Variants in ZMYM2 observed in about 807,000 individuals in gnomAD.
The protein encoded by ZMYM2 is zinc finger MYM-type containing 2.
Under a neutral mutation model 162.8 loss-of-function variants are expected in ZMYM2, and 56 were observed. The ratio of observed to expected loss-of-function variants is 0.34; its 90% CI spans 0.28 to 0.43. The LOEUF is 0.43. Among genes scored for constraint, ZMYM2 ranks in the 20% least tolerant of loss-of-function variants. The pLI, the probability that ZMYM2 is intolerant of heterozygous loss-of-function variation, is 1.00. For synonymous variants in ZMYM2, 510 were observed against 541.6 expected (o/e 0.94, Z 0.81); for missense variants, 1,275 against 1,621.8 (o/e 0.79, Z 3.67).
At chr13:19,906,379 G>T in the ZMYM2 span, among the ~76,000 whole-genome samples, 39 of 139,636 alleles carry the variant, frequency 2.8e-4, no homozygotes, top group East Asian at 2.1e-4. Flanking sequence ...ATATATATGT[G>T]TATATATATG....
chr13:19,888,916 T>C, the ZMYM2 span, among the ~76,000 whole-genome samples: 1 of 151,990 alleles, frequency 6.6e-6, no homozygotes, highest in South Asian at 2.1e-4. Context: ...ATTTTGACTT[T>C]AAATTAGGTT....
intron 4 of ZMYM2, among the ~76,000 whole-genome samples, chr13:20,003,656 A>C (rs1391636354): frequency 6.8e-6 from 1 of 147,782 alleles, no homozygotes; most frequent in Non-Finnish European, 1.5e-5. Flanking sequence ...TTTTTTAGGC[A>C]GAGTCTCATT....
the ZMYM2 span, among the ~76,000 whole-genome samples, chr13:19,949,233 A>C: frequency 6.6e-6 from 1 of 152,000 alleles, no homozygotes; most frequent in African/African-American, 2.4e-5. Context: ...AACATGGTGA[A>C]ACCCCATCTC....
chr13:20,000,637 T>C (rs1950323130), intron 3 of ZMYM2, among the ~76,000 whole-genome samples: 1 of 152,218 alleles, frequency 6.6e-6, no homozygotes, highest in Non-Finnish European at 1.5e-5. Flanking sequence ...TAAACTAGTG[T>C]TGAGACCTTT....
chr13:19,990,350 T>G (rs1403402956), intron 2 of ZMYM2, among the ~76,000 whole-genome samples: 4 of 152,210 alleles, frequency 2.6e-5, no homozygotes, highest in Non-Finnish European at 5.9e-5. Context: ...GCTTCTTACT[T>G]TGATCTGCCA....
Position 20,086,070 on chromosome 13 carries a change from A to T in ZMYM2, c.*56A>T. Reference sequence around the variant, plus strand: ...AACAGCATTAGATAGTCATGCTGCTAGATCTTTATTATGGAAAACATTTCA... The same window carrying T: ...AACAGCATTAGATAGTCATGCTGCTTGATCTTTATTATGGAAAACATTTCA... On this transcript the variant is annotated 3_prime_UTR_variant, in exon 25 of 25. Coordinates refer to ENST00000610343, the MANE Select transcript of ZMYM2 (RefSeq NM_197968.4). The T allele has an allele frequency of 1.3e-6, 2 of 1,524,006 alleles. No homozygotes were observed. Among genetic ancestry groups the T allele is most frequent in the Non-Finnish European group, 1.8e-6 (2 of 1,118,066 alleles). The allele number at this position is 1,524,006 out of a possible 1,614,324, so 94.4% of individuals were successfully genotyped here.
In ZMYM2 at chr13:20,057,546, T is replaced by C. The variant is rs545385701; in HGVS notation, c.2494-1029T>C. ...CACAGTGTTGTTTACTCTATGTGAT[T>C]ACTGTACAATATGTGTGGAGTACTG... On this transcript the variant is annotated intron_variant, in intron 14 of 24. Coordinates refer to ENST00000610343, the MANE Select transcript of ZMYM2 (RefSeq NM_197968.4). 1.6e-4 allele frequency among the ~76,000 whole-genome samples: 25 copies of C among 152,344 alleles called. No homozygotes were observed. The South Asian group carries it at 2.9e-3, about 18-fold the overall frequency.
intron 1 of ZMYM2, among the ~76,000 whole-genome samples, chr13:19,959,375 G>A (rs1594001787): frequency 6.6e-6 from 1 of 152,124 alleles, no homozygotes; most frequent in Non-Finnish European, 1.5e-5. Flanking sequence ...CTGCTCCGCC[G>A]GGTCCCCTCC....
chr13:19,928,356 T>G, the ZMYM2 span, among the ~76,000 whole-genome samples: 1 of 152,154 alleles, frequency 6.6e-6, no homozygotes, highest in Non-Finnish European at 1.5e-5. Context: ...CTGTGTCAGG[T>G]AAGTGTGTCA....
intron 21 of ZMYM2, among the ~76,000 whole-genome samples, chr13:20,076,725 T>C (rs552607760): frequency 1.3e-5 from 2 of 150,852 alleles, no homozygotes; most frequent in East Asian, 3.9e-4. Context: ...GCTTGTTAAT[T>C]TAATTTGTAT....
chr13:19,870,456 TTCTC>T, the ZMYM2 span, among the ~76,000 whole-genome samples: 2 of 151,286 alleles, frequency 1.3e-5, no homozygotes, highest in East Asian at 3.9e-4. Flanking sequence ...TCATTTCTCT[TTCTC>T]TCTTCTTTCC....
chr13:19,994,045 A>T, intron 3 of ZMYM2, 126 bp downstream of exon 3: 1 of 1,148,022 alleles, frequency 8.7e-7, no homozygotes. Flanking sequence ...ATTATATTGA[A>T]TTTTATCTTA....
At chr13:20,008,366 A>G (rs1950911772) in intron 6 of ZMYM2, among the ~76,000 whole-genome samples, 1 of 152,180 alleles carries the variant, frequency 6.6e-6, no homozygotes, top group Non-Finnish European at 1.5e-5. Flanking sequence ...CCTGACCTCA[A>G]GTGATTTGCC....
chr13:19,918,523 G>A, the ZMYM2 span, among the ~76,000 whole-genome samples: 2 of 116,014 alleles, frequency 1.7e-5, no homozygotes, highest in African/African-American at 6.8e-5. Context: ...TTTTTGAGAC[G>A]GAGCTTTTGC....
chr13:20,053,668 A>C lies in ZMYM2; in HGVS notation c.2493+1357A>C, dbSNP rs570921328. Among the ~76,000 whole-genome samples, 64 of 152,226 alleles carry C rather than the reference A, an allele frequency of 4.2e-4. 2 individuals carry two copies. The highest frequency in any genetic ancestry group is 3.1e-3 in the Admixed American group (48 of 15,288). On this transcript the variant is annotated intron_variant, in intron 14 of 24. Transcript: ENST00000610343. ...ACTCCATCTCCATTAACAACAACAA[A>C]AAAAAGTTATTTAGGATGCTGATAT...
intron 2 of ZMYM2, among the ~76,000 whole-genome samples, chr13:19,986,371 C>G (rs984453605): frequency 7.0e-6 from 1 of 142,276 alleles, no homozygotes; most frequent in Non-Finnish European, 1.6e-5. Flanking sequence ...CAAACAAAAA[C>G]AAAAAAAAAA....
At chr13:19,925,764 G>A in the ZMYM2 span, among the ~76,000 whole-genome samples, 16 of 151,414 alleles carry the variant, frequency 1.1e-4, no homozygotes, top group African/African-American at 4.8e-5. Flanking sequence ...CCAGTTACTC[G>A]GGAGGCTGAG....
intron 2 of ZMYM2, among the ~76,000 whole-genome samples, chr13:19,985,241 A>C (rs1283311579): frequency 6.6e-6 from 1 of 152,088 alleles, no homozygotes; most frequent in Non-Finnish European, 1.5e-5. Flanking sequence ...CTCCCACCTC[A>C]GCCCCCGAAG....
chr13:20,030,619 C>T (rs915134898), intron 9 of ZMYM2, among the ~76,000 whole-genome samples: 3 of 152,102 alleles, frequency 2.0e-5, no homozygotes, highest in Admixed American at 6.5e-5. Context: ...AGGATGGTCT[C>T]GATCTCCTGA....
Sources: allele counts gnomAD v4.1 joint callset (sites outside exome capture counted in the v4.1 genomes callset), GRCh38; gene constraint gnomAD v4.1.1; transcripts MANE v1.5; gene names NCBI Gene and HGNC (gene_info 2026-07-23, HGNC 2026-07-21).